Variants in SCN8A observed in about 807,000 individuals in gnomAD.
SCN8A encodes the protein sodium voltage-gated channel alpha subunit 8, also known as sodium channel protein type 8 subunit alpha.
In SCN8A, 30 loss-of-function variants were observed where a neutral mutation model predicts 184.1. The ratio of observed to expected loss-of-function variants is 0.16; its 90% CI spans 0.12 to 0.22. SCN8A has a LOEUF of 0.22. Ranked by LOEUF, SCN8A falls within the 10% of genes least tolerant of loss-of-function variation. SCN8A has a pLI of 1.00. For missense variants in SCN8A, 1,057 were observed against 2,498.9 expected, an observed-to-expected ratio of 0.42 and a Z score of 12.30; for synonymous variants, 852 against 907.0, an observed-to-expected ratio of 0.94 and a Z score of 1.09.
chr12:51,658,961 C>T (rs1202277364), intron 1 of SCN8A, among the ~76,000 whole-genome samples: 1 of 152,086 alleles, frequency 6.6e-6, no homozygotes, highest in Non-Finnish European at 1.5e-5. Context: ...ATCTGCCATT[C>T]TCTGACCCAG....
intron 20 of SCN8A, 58 bp from the exon 21 acceptor site, chr12:51,780,591 T>A: frequency 3.0e-6 from 1 of 333,584 alleles, no homozygotes; most frequent in Non-Finnish European, 5.0e-6. Context: ...TTTTTTTTTT[T>A]TTTTTTTTTT....
intron 26 of SCN8A, among the ~76,000 whole-genome samples, chr12:51,803,886 C>T (rs1165927344): frequency 3.3e-5 from 5 of 152,300 alleles, no homozygotes; most frequent in East Asian, 1.9e-4. Context: ...CTGAACTTAC[C>T]GCATCTTGTC....
intron 2 of SCN8A, among the ~76,000 whole-genome samples, chr12:51,675,000 T>C (rs11837288): frequency 0.018 from 2,749 of 152,132 alleles, 75 homozygotes; most frequent in African/African-American, 0.06. Context: ...GAGAGGAGAG[T>C]GAGAATAGAT....
intron 11 of SCN8A, among the ~76,000 whole-genome samples, chr12:51,714,937 G>A (rs1489453879): frequency 6.6e-6 from 1 of 152,176 alleles, no homozygotes; most frequent in African/African-American, 2.4e-5. Flanking sequence ...AGGGAGTAAG[G>A]CCTACTCATC....
chr12:51,756,129 CT>C (rs1384782416), intron 14 of SCN8A, among the ~76,000 whole-genome samples: 1 of 152,134 alleles, frequency 6.6e-6, no homozygotes, highest in Admixed American at 6.5e-5. Context: ...AGACTCTCCC[CT>C]GACATAGAAG....
intron 1 of SCN8A, among the ~76,000 whole-genome samples, chr12:51,656,823 T>TA (rs1195365829): frequency 6.0e-4 from 88 of 146,066 alleles, no homozygotes; most frequent in Middle Eastern, 6.9e-3. Context: ...TGGCAGCAAT[T>TA]AAAAAAAAAA....
At chr12:51,740,061 G>A (rs994584378) in intron 12 of SCN8A, among the ~76,000 whole-genome samples, 3 of 152,246 alleles carry the variant, frequency 2.0e-5, no homozygotes, top group Admixed American at 6.5e-5. Flanking sequence ...GGCACAGATC[G>A]CTCATGCTAT....
At chr12:51,765,023 A>G (rs894972993) in intron 15 of SCN8A, among the ~76,000 whole-genome samples, 3 of 151,826 alleles carry the variant, frequency 2.0e-5, no homozygotes, top group African/African-American at 7.3e-5. Flanking sequence ...TCATCTGCCT[A>G]CCTCAGCCTC....
intron 11 of SCN8A, among the ~76,000 whole-genome samples, chr12:51,718,831 T>C (rs529989586): frequency 2.0e-5 from 3 of 152,022 alleles, no homozygotes; most frequent in East Asian, 3.9e-4. Context: ...GAGTAACTCA[T>C]GTGAGAATAA....
At position 51,810,248 on chromosome 12, in the gene SCN8A, A is replaced by ACTT. The variant is rs1195441614; in HGVS notation, c.*2820_*2822dup. On this transcript the variant is annotated 3_prime_UTR_variant, in exon 27 of 27. Transcript: ENST00000627620. ...CCACCTCCGCTGTATTTGAAGTTTC[A>ACTT]CTTTTTAAAAAAAAAATGTTTCCCA... 8.1e-6 allele frequency: 2 copies of ACTT among 248,376 alleles called. No individual in the cohort carries two copies. Among genetic ancestry groups the ACTT allele is most frequent in the East Asian group, 3.0e-4 (2 of 6,772 alleles). The allele number at this position is 248,376 out of a possible 1,614,324, so 15.4% of individuals were successfully genotyped here.
At chr12:51,726,382 G>C (rs1202145002) in intron 12 of SCN8A, among the ~76,000 whole-genome samples, 3 of 152,184 alleles carry the variant, frequency 2.0e-5, no homozygotes, top group Admixed American at 6.5e-5. Context: ...TTATGAAACA[G>C]ATACTGCTAT....
chr12:51,709,207 G>C (rs1438436591), intron 11 of SCN8A, among the ~76,000 whole-genome samples: 2 of 152,190 alleles, frequency 1.3e-5, no homozygotes, highest in African/African-American at 4.8e-5. Context: ...TCCAAAGTTT[G>C]AATTATTTGT....
chr12:51,665,853 G>A (rs1336900259), intron 2 of SCN8A, among the ~76,000 whole-genome samples: 2 of 152,112 alleles, frequency 1.3e-5, no homozygotes, highest in Non-Finnish European at 2.9e-5. Flanking sequence ...CACAAGGTCA[G>A]GAGTTTGAGA....
At chr12:51,696,040 A>G (rs1421339322) in intron 6 of SCN8A, among the ~76,000 whole-genome samples, 2 of 152,180 alleles carry the variant, frequency 1.3e-5, no homozygotes, top group Non-Finnish European at 2.9e-5. Context: ...TTTTCAAATT[A>G]TTTACTTACA....
Position 51,807,371 on chromosome 12 carries a change from A to G in SCN8A, c.5885A>G (p.Glu1962Gly). 3 of 1,613,608 alleles carry G rather than the reference A, an allele frequency of 1.9e-6. No homozygotes were observed. The highest frequency in any genetic ancestry group is 2.5e-6 in the Non-Finnish European group (3 of 1,179,694). ...KPEKEKQQRAEEGRRERAKRQ... is the reference protein window; with the variant it reads ...KPEKEKQQRAGEGRRERAKRQ... The stretch of plus-strand genomic sequence containing the variant: ...GAAAAGGAGAAACAGCAGCGGGCAG[A>G]GGAAGGAAGAAGGGAAAGAGCCAAA... Residue 1962 changes from glutamate (E) to glycine (G), a missense_variant, in exon 27 of 27, where the codon GAG (glutamate) becomes GGG (glycine). By Grantham distance (98) the Glu-to-Gly change is moderately conservative (BLOSUM62 -2). Coordinates refer to ENST00000627620, the MANE Select transcript of SCN8A (RefSeq NM_001330260.2). The surrounding 1 kb of genome is among the most constrained non-coding windows in gnomAD (Gnocchi z 4.5).
intron 1 of SCN8A, among the ~76,000 whole-genome samples, chr12:51,651,174 C>T (rs997812502): frequency 1.3e-5 from 2 of 152,170 alleles, no homozygotes; most frequent in African/African-American, 4.8e-5. Context: ...GCTTTATGGC[C>T]ATCATAAACA....
intron 14 of SCN8A, among the ~76,000 whole-genome samples, chr12:51,761,465 A>AT (rs557023068): frequency 0.01 from 1,511 of 147,954 alleles, 22 homozygotes; most frequent in African/African-American, 0.036. Context: ...TTATTTATTT[A>AT]TTATTATTTA....
intron 11 of SCN8A, chr12:51,713,297 C>A: frequency 9.0e-7 from 1 of 1,113,308 alleles, no homozygotes; most frequent in Non-Finnish European, 1.4e-6. Context: ...GGTTCCACTA[C>A]ATGCCCATCA....
chr12:51,636,051 A>T (rs578091255), intron 1 of SCN8A, among the ~76,000 whole-genome samples: 1 of 152,066 alleles, frequency 6.6e-6, no homozygotes, highest in Non-Finnish European at 1.5e-5. Flanking sequence ...CTGGAGTGCA[A>T]TGGCGCCATC....
Sources: gnomAD v4.1 joint callset for allele counts (sites outside exome capture counted in the v4.1 genomes callset) on GRCh38, gnomAD v4.1.1 for gene constraint, Gnocchi (gnomAD v3.1) non-coding constraint, MANE v1.5 for transcripts, NCBI Gene and HGNC (gene_info 2026-07-23, HGNC 2026-07-21) for gene names.